Variants in APIP observed in about 807,000 individuals in gnomAD.
APIP encodes the protein APAF1 interacting protein.
Under a neutral mutation model 32.0 loss-of-function variants are expected in APIP, and 32 were observed. The observed-to-expected ratio is 1.00, with a 90% CI of 0.76 to 1.34. The LOEUF is 1.34. Among genes scored for constraint, APIP ranks in the 40% most tolerant of loss-of-function variants. The pLI, the probability that APIP is intolerant of heterozygous loss-of-function variation, is 0.00. For missense variants in APIP, 247 were observed against 298.6 expected, an observed-to-expected ratio of 0.83 and a Z score of 1.27; for synonymous variants, 92 against 94.8, an observed-to-expected ratio of 0.97 and a Z score of 0.17.
intron 2 of APIP, among the ~76,000 whole-genome samples, chr11:34,891,120 A>T (rs1399887957): frequency 1.3e-5 from 2 of 152,148 alleles, no homozygotes; most frequent in Admixed American, 6.6e-5. Context: ...AAAAGCATAC[A>T]TATCTTGGAA....
At chr11:34,897,808 G>A (rs1166898623) in intron 1 of APIP, among the ~76,000 whole-genome samples, 1 of 152,014 alleles carries the variant, frequency 6.6e-6, no homozygotes, top group Non-Finnish European at 1.5e-5. Context: ...AAAAGGCTAG[G>A]GTGGGAAGGC....
rs1024127919 is a variant in APIP at position 34,896,902 on chromosome 11, C to T, written c.58-1792G>A. The T allele has an allele frequency of 2.9e-6, 3 of 1,036,634 alleles. No homozygotes were observed. The African/African-American group carries it at 5.0e-5, about 17-fold the overall frequency. 64.2% of individuals were successfully genotyped at this position (1,036,634 alleles called of 1,614,324 possible). A position where few individuals can be genotyped will look rare whatever the true frequency, so the allele number is the denominator to read the frequency against. On this transcript the variant is annotated intron_variant, in intron 1 of 6. Transcript: ENST00000395787. ...CAGGGCCTGATCAATTCCAGGAAAC[C>T]TAATGAAAAATCCCCACATAAACTG...
At chr11:34,903,600 GAT>G in intron 1 of APIP, among the ~76,000 whole-genome samples, 1 of 152,224 alleles carries the variant, frequency 6.6e-6, no homozygotes, top group Non-Finnish European at 1.5e-5. Flanking sequence ...AAATAGCAGT[GAT>G]GCATTGCAAG....
intron 1 of APIP, among the ~76,000 whole-genome samples, chr11:34,905,779 T>G (rs994813106): frequency 6.6e-6 from 1 of 152,096 alleles, no homozygotes. Context: ...CTTGACTATA[T>G]TGTAAAGAAT....
In APIP at chr11:34,888,316, T is replaced by C. The variant is rs897711499; in HGVS notation, c.438A>G (p.Lys146=). The change falls in exon 5 of 7, where the codon AAA becomes AAG. Residue 146 remains lysine (K), a synonymous_variant. Transcript: ENST00000395787. ...THQEMIKGIK[K]CTSGGYYRYD... ...ACCTATAATACCCTCCGGAAGTACA[T>C]TTCTTTATTCCTTTTATCATCTCTT... 4 of 1,600,590 alleles carry C rather than the reference T, an allele frequency of 2.5e-6. No individual in the cohort carries two copies. Among genetic ancestry groups the C allele is most frequent in the South Asian group, 1.2e-5 (1 of 86,950 alleles).
Position 34,916,310 on chromosome 11 carries a change from C to T in APIP, c.-26G>A. 1.2e-6 allele frequency: 2 copies of T among 1,610,226 alleles called. No individual in the cohort carries two copies. The highest frequency in any genetic ancestry group is 1.7e-6 in the Non-Finnish European group (2 of 1,178,556). On this transcript the variant is annotated 5_prime_UTR_variant, in exon 1 of 7. Coordinates refer to ENST00000395787, the MANE Select transcript of APIP (RefSeq NM_015957.4). ...GGCCCAGACCAGGGACCCGCGCGGC[C>T]TCCAATCTCCGCACGGCTTTGCGCG...
chr11:34,887,319 AGTAC>A (rs1186605119), intron 5 of APIP, among the ~76,000 whole-genome samples: 2 of 152,218 alleles, frequency 1.3e-5, no homozygotes, highest in African/African-American at 4.8e-5. Flanking sequence ...TGAAACTGAT[AGTAC>A]CCATAAGGCC....
At chr11:34,887,291 A>G (rs1853093406) in intron 5 of APIP, among the ~76,000 whole-genome samples, 2 of 152,144 alleles carry the variant, frequency 1.3e-5, no homozygotes, top group African/African-American at 4.8e-5. Flanking sequence ...TTTCCTCACC[A>G]AAACAATAAC....
intron 3 of APIP, among the ~76,000 whole-genome samples, 175 bp from the exon 4 acceptor site, chr11:34,889,044 A>C (rs531710835): frequency 1.3e-5 from 2 of 152,202 alleles, no homozygotes; most frequent in African/African-American, 4.8e-5. Context: ...CATATATTTA[A>C]CTTACATTTT....
intron 1 of APIP, among the ~76,000 whole-genome samples, chr11:34,904,463 C>T (rs1315890244): frequency 2.6e-5 from 4 of 152,186 alleles, no homozygotes; most frequent in Admixed American, 2.0e-4. Context: ...ATGGCCTTAA[C>T]GAATAAGAAA....
In APIP at chr11:34,890,494, A is replaced by G. The variant is rs146340986; in HGVS notation, c.207+10T>C. On this transcript the variant is annotated intron_variant, in intron 3 of 6. Coordinates refer to ENST00000395787, the MANE Select transcript of APIP (RefSeq NM_015957.4). Reference sequence around the variant, plus strand: ...AAAGACACTGAGGTTAAAGAATCCCATTACCATACCTGAATTCGTTCCTTT... The same window carrying G: ...AAAGACACTGAGGTTAAAGAATCCCGTTACCATACCTGAATTCGTTCCTTT... 1.5e-4 allele frequency: 239 copies of G among 1,607,092 alleles called. No homozygotes were observed. The African/African-American group carries it at 2.7e-3, about 18-fold the overall frequency.
At chr11:34,916,056 C>G in intron 1 of APIP, 172 bp downstream of exon 1, 1 of 848,892 alleles carries the variant, frequency 1.2e-6, no homozygotes, top group Non-Finnish European at 1.8e-6. Flanking sequence ...GGCCTCGCAG[C>G]CTTGCTTCCG....
chr11:34,890,392 G>T, intron 3 of APIP, 112 bp downstream of exon 3: 2 of 976,394 alleles, frequency 2.0e-6, no homozygotes, highest in Non-Finnish European at 3.0e-6. Context: ...TTGCTGATTA[G>T]TTATTCAAAT....
At chr11:34,889,454 A>G (rs1242246566) in intron 3 of APIP, among the ~76,000 whole-genome samples, 1 of 152,104 alleles carries the variant, frequency 6.6e-6, no homozygotes, top group Non-Finnish European at 1.5e-5. Flanking sequence ...AGCTTAAGAA[A>G]TTATGTAGAT....
chr11:34,915,665 C>T (rs1827089268), intron 1 of APIP, among the ~76,000 whole-genome samples: 1 of 152,182 alleles, frequency 6.6e-6, no homozygotes, highest in Non-Finnish European at 1.5e-5. Context: ...GGTGGATTTC[C>T]CTTTGACTTC....
intron 2 of APIP, among the ~76,000 whole-genome samples, chr11:34,893,823 C>A (rs2986423): frequency 0.6 from 91,369 of 152,060 alleles, 28,489 homozygotes; most frequent in East Asian, 0.74. Context: ...CTTTTGTTCC[C>A]AATGTTCTGA....
Position 34,883,064 on chromosome 11 carries a change from A to G in APIP, c.630-248T>C, listed in dbSNP as rs569047606. Among the ~76,000 whole-genome samples, 5 of 152,324 alleles carry G rather than the reference A, an allele frequency of 3.3e-5. No individual in the cohort carries two copies. The East Asian group carries it at 9.6e-4, about 29-fold the overall frequency. On this transcript the variant is annotated intron_variant, in intron 6 of 6. Transcript: ENST00000395787. ...AGAGAGTTTAAAATATACTGCCTACATAAATTTACATTTTTTTTAAACTAG... is the reference window on the plus strand; with the variant it reads ...AGAGAGTTTAAAATATACTGCCTACGTAAATTTACATTTTTTTTAAACTAG...
At position 34,916,285 on chromosome 11, in the gene APIP, G is replaced by A. The variant is rs774565620; in HGVS notation, c.-1C>T. On this transcript the variant is annotated 5_prime_UTR_variant, in exon 1 of 7. Transcript: ENST00000395787. ...CCTCCCGAGCATCACAGCCAGACAT[G>A]GCCCAGACCAGGGACCCGCGCGGCC... 1.5e-5 allele frequency: 24 copies of A among 1,612,310 alleles called. No individual in the cohort carries two copies. The East Asian group carries it at 3.8e-4, about 25-fold the overall frequency.
intron 1 of APIP, among the ~76,000 whole-genome samples, chr11:34,897,716 G>T (rs1055619534): frequency 2.0e-5 from 3 of 152,070 alleles, no homozygotes; most frequent in Non-Finnish European, 1.5e-5. Flanking sequence ...CCCTCTTCTT[G>T]TCACCATGTG....
Sources: allele counts gnomAD v4.1 joint callset (sites outside exome capture counted in the v4.1 genomes callset), GRCh38; gene constraint gnomAD v4.1.1; transcripts MANE v1.5; gene names NCBI Gene and HGNC (gene_info 2026-07-23, HGNC 2026-07-21).